Variants in ABLIM1 observed in about 807,000 individuals in gnomAD.
ABLIM1 encodes actin-binding LIM protein 1.
ABLIM1 carries 40 observed loss-of-function variants against 107.0 expected under a neutral mutation model. That is an observed-to-expected ratio of 0.37 (90% confidence interval 0.29 to 0.49). The LOEUF (loss-of-function observed/expected upper bound fraction) is 0.49. Ranked by LOEUF, ABLIM1 falls within the 20% of genes least tolerant of loss-of-function variation. ABLIM1 has a pLI of 0.97. For missense variants in ABLIM1, 857 were observed against 1,008.5 expected, an observed-to-expected ratio of 0.85 and a Z score of 2.04; for synonymous variants, 357 against 357.3, an observed-to-expected ratio of 1.00 and a Z score of 0.01.
At chr10:114,773,040 A>G (rs1051484439), upstream of ABLIM1, among the ~76,000 whole-genome samples, 2 of 152,104 alleles carry the variant, frequency 1.3e-5, no homozygotes. Flanking sequence ...GCTCCAAAAT[A>G]TTGGGAGATG....
intron 12 of ABLIM1, among the ~76,000 whole-genome samples, chr10:114,455,773 A>C (rs2062692771): frequency 6.6e-6 from 1 of 152,064 alleles, no homozygotes; most frequent in South Asian, 2.1e-4. Flanking sequence ...TAGTGCAATA[A>C]GTCCTCACTT....
chr10:114,579,923 C>G (rs1165532992), intron 2 of ABLIM1, among the ~76,000 whole-genome samples: 1 of 152,154 alleles, frequency 6.6e-6, no homozygotes, highest in Non-Finnish European at 1.5e-5. Flanking sequence ...AAATGTCATA[C>G]TGGGGCATTG....
intron 1 of ABLIM1, among the ~76,000 whole-genome samples, chr10:114,763,168 T>C (rs1041220971): frequency 2.0e-5 from 3 of 152,216 alleles, no homozygotes; most frequent in African/African-American, 7.2e-5. Context: ...TTACTATTTA[T>C]TGAATTGGAC....
intron 1 of ABLIM1, among the ~76,000 whole-genome samples, chr10:114,695,282 A>C (rs897075124): frequency 6.6e-6 from 1 of 152,184 alleles, no homozygotes; most frequent in African/African-American, 2.4e-5. Context: ...TATCATCATC[A>C]AGTGCTAACA....
At chr10:114,694,107 T>G (rs965245077) in intron 1 of ABLIM1, among the ~76,000 whole-genome samples, 4 of 152,160 alleles carry the variant, frequency 2.6e-5, no homozygotes, top group African/African-American at 4.8e-5. Context: ...AAAATAATAT[T>G]CGGTTGATAA....
intron 6 of ABLIM1, among the ~76,000 whole-genome samples, chr10:114,528,333 A>T (rs1055020002): frequency 1.3e-5 from 2 of 152,220 alleles, no homozygotes; most frequent in Non-Finnish European, 2.9e-5. Flanking sequence ...TTATTTGCCC[A>T]CAAAGATCAG....
intron 6 of ABLIM1, among the ~76,000 whole-genome samples, chr10:114,512,497 G>A (rs1037402898): frequency 6.6e-6 from 1 of 152,138 alleles, no homozygotes; most frequent in Admixed American, 6.5e-5. Flanking sequence ...AGGACTTCAC[G>A]GAAGATATAA....
chr10:114,500,261 T>C (rs1474429337), intron 6 of ABLIM1, among the ~76,000 whole-genome samples: 1 of 152,158 alleles, frequency 6.6e-6, no homozygotes, highest in African/African-American at 2.4e-5. Context: ...TAGGGAGAAA[T>C]AAACCATTAT....
At chr10:114,534,715 G>A (rs11196779) in intron 6 of ABLIM1, among the ~76,000 whole-genome samples, 33,869 of 152,090 alleles carry the variant, frequency 0.22, 4,400 homozygotes, top group East Asian at 0.33. Flanking sequence ...CACTTGACCT[G>A]CCGGGTCAGT....
chr10:114,648,374 C>G (rs1376159740), intron 1 of ABLIM1, among the ~76,000 whole-genome samples: 1 of 152,180 alleles, frequency 6.6e-6, no homozygotes, highest in Non-Finnish European at 1.5e-5. Flanking sequence ...TTGATAAATG[C>G]TACCGCCTCG....
upstream of ABLIM1, among the ~76,000 whole-genome samples, chr10:114,659,594 A>G (rs530023826): frequency 1.3e-5 from 2 of 152,296 alleles, no homozygotes; most frequent in South Asian, 4.1e-4. Context: ...AGGAACTTAC[A>G]TTTCTTTTCT....
At chr10:114,535,472 G>T (rs931352804) in intron 6 of ABLIM1, among the ~76,000 whole-genome samples, 2 of 152,066 alleles carry the variant, frequency 1.3e-5, no homozygotes, top group Non-Finnish European at 2.9e-5. Flanking sequence ...CACCATGCCC[G>T]GCTAATTTTT....
At chr10:114,622,673 C>T (rs574810238) in intron 1 of ABLIM1, among the ~76,000 whole-genome samples, 5 of 152,216 alleles carry the variant, frequency 3.3e-5, no homozygotes, top group East Asian at 1.9e-4. Flanking sequence ...TTGAACAACA[C>T]GGGTTTGAAC....
At chr10:114,611,530 C>A (rs1013624928) in intron 1 of ABLIM1, among the ~76,000 whole-genome samples, 1 of 151,950 alleles carries the variant, frequency 6.6e-6, no homozygotes, top group Admixed American at 6.6e-5. Flanking sequence ...TCCGTGGCTA[C>A]GTGATAGGTC....
At chr10:114,524,522 A>G (rs1404241935) in intron 6 of ABLIM1, among the ~76,000 whole-genome samples, 2 of 152,208 alleles carry the variant, frequency 1.3e-5, no homozygotes, top group Non-Finnish European at 1.5e-5. Context: ...CAGATTCTAG[A>G]AGAAAAAAAA....
chr10:114,671,844 T>C (rs759396953), intron 1 of ABLIM1, among the ~76,000 whole-genome samples: 4 of 152,166 alleles, frequency 2.6e-5, no homozygotes, highest in Non-Finnish European at 5.9e-5. Context: ...CTTTTTCTTA[T>C]TGATTTGTAG....
chr10:114,496,321 A>T (rs956805174), intron 6 of ABLIM1, among the ~76,000 whole-genome samples: 4 of 152,248 alleles, frequency 2.6e-5, no homozygotes, highest in Non-Finnish European at 5.9e-5. Flanking sequence ...ATGTAGCCAT[A>T]AAAAGGAATG....
the ABLIM1 span, among the ~76,000 whole-genome samples, chr10:114,782,947 G>A: frequency 3.3e-5 from 5 of 152,056 alleles, no homozygotes; most frequent in Non-Finnish European, 7.3e-5. Flanking sequence ...TTGCAGTTCC[G>A]TTTCCTGAAA....
intron 6 of ABLIM1, among the ~76,000 whole-genome samples, chr10:114,492,547 C>T (rs1465839027): frequency 6.6e-6 from 1 of 152,102 alleles, no homozygotes; most frequent in African/African-American, 2.4e-5. Context: ...GTTGACTTCC[C>T]CAAAGCAAAG....
Sources: gnomAD v4.1 joint callset for allele counts (sites outside exome capture counted in the v4.1 genomes callset) on GRCh38, gnomAD v4.1.1 for gene constraint, MANE v1.5 for transcripts, NCBI Gene and HGNC (gene_info 2026-07-23, HGNC 2026-07-21) for gene names.